Variants in PALM2AKAP2 observed in about 807,000 individuals in gnomAD.
PALM2AKAP2 encodes the protein PALM2 and AKAP2 fusion.
Under a neutral mutation model 71.5 loss-of-function variants are expected in PALM2AKAP2, and 37 were observed. That is an observed-to-expected ratio of 0.52 (90% CI 0.40 to 0.68). The LOEUF (loss-of-function observed/expected upper bound fraction) is 0.68, where lower values mean the gene tolerates loss of function less well. PALM2AKAP2 is among the 30% of genes least tolerant of loss of function. The pLI is 0.00. For missense variants in PALM2AKAP2, 1,224 were observed against 1,191.8 expected, an observed-to-expected ratio of 1.03 and a Z score of -0.40; for synonymous variants, 468 against 478.8, an observed-to-expected ratio of 0.98 and a Z score of 0.29.
intron 3 of PALM2AKAP2, among the ~76,000 whole-genome samples, chr9:109,916,619 C>G (rs1315148505): frequency 6.6e-6 from 1 of 152,226 alleles, no homozygotes; most frequent in Admixed American, 6.5e-5. Flanking sequence ...TCTTTTCTAC[C>G]TGGTGAATGC....
Position 110,006,243 on chromosome 9 carries a change from G to A in PALM2AKAP2, c.497-9711G>A, listed in dbSNP as rs547638075. On this transcript the variant is annotated intron_variant, in intron 6 of 9. Coordinates refer to the PALM2AKAP2 transcript ENST00000302798. ...TTTCCTCTTTCTCTCTTTTCCTCTC[G>A]CCTGCCTGCCTTCCTTCCTTCCATT... Among the ~76,000 whole-genome samples the A allele has an allele frequency of 1.5e-3, 217 of 141,646 alleles. 2 individuals carry two copies. The highest frequency in any genetic ancestry group is 3.8e-3 in the African/African-American group (144 of 37,850). 92.9% of individuals were successfully genotyped at this position (141,646 alleles called of 152,430 possible). A position where few individuals can be genotyped will look rare whatever the true frequency, so the allele number is the denominator to read the frequency against.
intron 1 of PALM2AKAP2, among the ~76,000 whole-genome samples, chr9:110,094,671 G>C (rs1354010893): frequency 5.8e-5 from 4 of 69,260 alleles, no homozygotes; most frequent in South Asian, 6.5e-4. Context: ...CACGGGGCGG[G>C]GGGGCGGGTA....
chr9:109,818,768 G>A (rs575398373), intron 1 of PALM2AKAP2, among the ~76,000 whole-genome samples: 55 of 152,172 alleles, frequency 3.6e-4, no homozygotes, highest in Middle Eastern at 3.4e-3. Context: ...CTGTACTTTC[G>A]AAATAAGACT....
chr9:110,012,822 G>A (rs550353536), intron 6 of PALM2AKAP2, among the ~76,000 whole-genome samples: 1 of 152,234 alleles, frequency 6.6e-6, no homozygotes, highest in East Asian at 1.9e-4. Context: ...TATAATAGCA[G>A]AGAAAAAATT....
At chr9:110,012,972 T>C (rs371755565) in intron 6 of PALM2AKAP2, among the ~76,000 whole-genome samples, 9 of 152,250 alleles carry the variant, frequency 5.9e-5, no homozygotes, top group African/African-American at 1.9e-4. Flanking sequence ...ATTTTGGTTA[T>C]AGATTGTATC....
At chr9:109,710,399 A>C (rs1828214516) in intron 1 of PALM2AKAP2, among the ~76,000 whole-genome samples, 1 of 152,216 alleles carries the variant, frequency 6.6e-6, no homozygotes, top group Non-Finnish European at 1.5e-5. Flanking sequence ...CAAGGCTCTG[A>C]TGGAGACTGA....
chr9:110,014,950 A>G (rs977252101), intron 6 of PALM2AKAP2, among the ~76,000 whole-genome samples: 13 of 149,506 alleles, frequency 8.7e-5, no homozygotes, highest in Admixed American at 3.4e-4. Flanking sequence ...AATTAGTACA[A>G]TTTTACTATA....
chr9:109,846,146 C>T (rs889836726), intron 1 of PALM2AKAP2, among the ~76,000 whole-genome samples: 10 of 151,930 alleles, frequency 6.6e-5, no homozygotes, highest in Admixed American at 3.3e-4. Context: ...AAGTGGCAGC[C>T]GGGTAGGACA....
chr9:109,697,415 A>T (rs576981852), intron 1 of PALM2AKAP2, among the ~76,000 whole-genome samples: 1 of 152,310 alleles, frequency 6.6e-6, no homozygotes, highest in East Asian at 1.9e-4. Context: ...AATTAGAAGG[A>T]AGAAGATAGA....
Position 110,015,457 on chromosome 9 carries a change from A to G in PALM2AKAP2, c.497-497A>G, listed in dbSNP as rs542907133. Among the ~76,000 whole-genome samples, 34 of 152,204 alleles carry G rather than the reference A, an allele frequency of 2.2e-4. No individual in the cohort carries two copies. In the South Asian group the frequency reaches 7.1e-3, roughly 32 times the overall value. On this transcript the variant is annotated intron_variant, in intron 6 of 9. Transcript: ENST00000302798. ...TCTACTAAAAATACAAAAATTAGTCAGGTGTGGTGGCGGGTGCCTGTAATC... is the reference window on the plus strand; with the variant it reads ...TCTACTAAAAATACAAAAATTAGTCGGGTGTGGTGGCGGGTGCCTGTAATC...
chr9:109,826,146 T>C (rs1055298746), intron 1 of PALM2AKAP2, among the ~76,000 whole-genome samples: 8 of 145,564 alleles, frequency 5.5e-5, no homozygotes, highest in Non-Finnish European at 8.9e-5. Context: ...TTCTCACTCA[T>C]AGGTGGGAAT....
intron 1 of PALM2AKAP2, among the ~76,000 whole-genome samples, chr9:109,823,011 G>C (rs1377391123): frequency 6.6e-6 from 1 of 152,138 alleles, no homozygotes. Context: ...TGGTCCATGA[G>C]GTCAATCAAA....
intron 1 of PALM2AKAP2, among the ~76,000 whole-genome samples, chr9:109,756,546 T>C (rs1828967314): frequency 6.6e-6 from 1 of 152,226 alleles, no homozygotes. Context: ...TTTTAGGATA[T>C]GTCCTGTTCC....
At chr9:110,048,793 G>A (rs904517976) in exon 1 of PALM2AKAP2, 2 of 1,534,056 alleles carry the variant, frequency 1.3e-6, no homozygotes, top group East Asian at 2.5e-5. Flanking sequence ...GGAGGCAGCG[G>A]CCGCGCGGCG....
chr9:109,943,440 TC>T (rs746220107), intron 6 of PALM2AKAP2: 1 of 1,592,720 alleles, frequency 6.3e-7, no homozygotes, highest in Admixed American at 1.7e-5. Flanking sequence ...TTCTTTCTTC[TC>T]CTTTCTTCTG....
upstream of PALM2AKAP2, among the ~76,000 whole-genome samples, chr9:110,043,716 GT>G (rs61128628): frequency 6.3e-4 from 58 of 91,580 alleles, no homozygotes; most frequent in African/African-American, 1.8e-3. Context: ...TTTTTTTGGT[GT>G]TTTTTTTTTT....
chr9:110,151,098 AG>A (rs1360585697), intron 2 of PALM2AKAP2, among the ~76,000 whole-genome samples: 1 of 152,208 alleles, frequency 6.6e-6, no homozygotes, highest in Non-Finnish European at 1.5e-5. Context: ...GGGCCAGAAA[AG>A]TTCCCTGGAA....
chr9:110,074,924 A>G (rs1834286849), intron 1 of PALM2AKAP2, among the ~76,000 whole-genome samples: 1 of 152,080 alleles, frequency 6.6e-6, no homozygotes, highest in African/African-American at 2.4e-5. Context: ...AATCTCTTGA[A>G]CCCAGGAGGC....
At position 110,057,371 on chromosome 9, in the gene PALM2AKAP2, T is replaced by G. The variant is rs1297856875; in HGVS notation, c.156+8516T>G. On this transcript the variant is annotated intron_variant, in intron 1 of 3. Transcript: ENST00000374525. ...TCCTACCCAGCTCCTTCTCTGTTTT[T>G]TTTTTTTTTGTTTTTTTGTTTTTTT... Among the ~76,000 whole-genome samples, 252 of 144,702 alleles carry G rather than the reference T, an allele frequency of 1.7e-3. 1 individual carries two copies. The highest frequency in any genetic ancestry group is 6.2e-3 in the African/African-American group (238 of 38,212). The allele number at this position is 144,702 out of a possible 152,430, so 94.9% of individuals were successfully genotyped here.
Sources: allele counts gnomAD v4.1 joint callset (sites outside exome capture counted in the v4.1 genomes callset), GRCh38; gene constraint gnomAD v4.1.1; transcripts MANE v1.5; gene names NCBI Gene and HGNC (gene_info 2026-07-23, HGNC 2026-07-21).